PLA2G4C: variants seen among roughly 807,000 people sequenced by gnomAD.
The protein encoded by PLA2G4C is cytosolic phospholipase A2 gamma.
A neutral mutation model predicts 73.8 loss-of-function variants in PLA2G4C; 64 were observed. The ratio of observed to expected loss-of-function variants is 0.87; its 90% CI spans 0.71 to 1.07. PLA2G4C has a LOEUF of 1.07. Among genes scored for constraint, PLA2G4C ranks in the 50% least tolerant of loss-of-function variants. PLA2G4C has a pLI of 0.00. For synonymous variants in PLA2G4C, 254 were observed against 252.1 expected (o/e 1.01, Z -0.07); for missense variants, 622 against 665.4 (o/e 0.93, Z 0.72).
chr19:48,102,849 C>T (rs190297649), intron 4 of PLA2G4C, among the ~76,000 whole-genome samples: 13 of 152,252 alleles, frequency 8.5e-5, no homozygotes, highest in Admixed American at 7.2e-4. Flanking sequence ...CTCTGTGTGT[C>T]GCCCTCTCCA....
At chr19:48,083,131 A>G (rs2030715286) in intron 10 of PLA2G4C, among the ~76,000 whole-genome samples, 1 of 151,580 alleles carries the variant, frequency 6.6e-6, no homozygotes, top group South Asian at 2.1e-4. Flanking sequence ...TGCTTTTTCT[A>G]ACAATACAAG....
Position 48,104,684 on chromosome 19 carries a change from C to T in PLA2G4C, c.161G>A (p.Arg54Gln), listed in dbSNP as rs768011771. 10 of 1,613,756 alleles carry T rather than the reference C, an allele frequency of 6.2e-6. 1 individual carries two copies. The highest frequency in any genetic ancestry group is 3.3e-5 in the Admixed American group (2 of 59,968). ...GACCCCAAGGCAGGCAATGTGAGCC[C>T]GCAGTCCTCCGCCTGAGCCCAGCAC... ...VAVLGSGGGL[R>Q]AHIACLGVLS... The change falls in exon 4 of 17, where the codon CGG (arginine) becomes CAG (glutamine). Residue 54 changes from arginine to glutamine, a missense_variant. Arg to Gln is a conservative substitution (Grantham distance 43). Coordinates refer to ENST00000599921, the MANE Select transcript of PLA2G4C (RefSeq NM_003706.3).
rs2032445194 is a variant in PLA2G4C at position 48,110,523 on chromosome 19, G to A, written c.-69C>T. On this transcript the variant is annotated 5_prime_UTR_variant, in exon 1 of 17. Transcript: ENST00000599921. ...TCTGGGGCGTGTGCGCATGCGCGGT[G>A]GAGCTTGTGCTCCGGAATCCGGTGC... 1 of 1,535,196 alleles carries A rather than the reference G, an allele frequency of 6.5e-7. No homozygotes were observed.
chr19:48,077,638 T>G, intron 11 of PLA2G4C, 133 bp downstream of exon 11: 2 of 623,926 alleles, frequency 3.2e-6, no homozygotes, highest in Non-Finnish European at 5.4e-6. Context: ...CCTGGGAGAG[T>G]CCATGCTCCT....
chr19:48,095,379 G>A (rs2031513218), intron 7 of PLA2G4C, 85 bp downstream of exon 7: 2 of 1,300,730 alleles, frequency 1.5e-6, no homozygotes, highest in East Asian at 2.3e-5. Flanking sequence ...TTTAAGAGCT[G>A]GGCAAACTAG....
At chr19:48,062,516 A>G (rs1321221659) in intron 13 of PLA2G4C, among the ~76,000 whole-genome samples, 2 of 152,178 alleles carry the variant, frequency 1.3e-5, no homozygotes, top group Admixed American at 6.5e-5. Context: ...AGGCTGAGGC[A>G]GGAGGATCAC....
At chr19:48,076,581 A>G (rs1438027286) in intron 11 of PLA2G4C, among the ~76,000 whole-genome samples, 2 of 152,096 alleles carry the variant, frequency 1.3e-5, no homozygotes, top group Non-Finnish European at 2.9e-5. Context: ...CGTCTCTACT[A>G]AAAATACAAA....
Position 48,099,722 on chromosome 19 carries a change from G to A in PLA2G4C, c.396C>T (p.Tyr132=). 1 of 1,614,028 alleles carries A rather than the reference G, an allele frequency of 6.2e-7. No individual in the cohort carries two copies. Among genetic ancestry groups the A allele is most frequent in the Non-Finnish European group, 8.5e-7 (1 of 1,179,926 alleles). ...TGTAGGCCCAGAAGTCGGTCAGAGAGTAATTCTCAGACCTCGCTGCTTGGA... is the reference window on the plus strand; with the variant it reads ...TGTAGGCCCAGAAGTCGGTCAGAGAATAATTCTCAGACCTCGCTGCTTGGA... ...KTIQAARSEN[Y]SLTDFWAYMV... is the part of the protein sequence containing the mutation. Residue 132 remains tyrosine (Y), a synonymous_variant, in exon 5 of 17, where the codon TAC becomes TAT. Coordinates refer to ENST00000599921, the MANE Select transcript of PLA2G4C (RefSeq NM_003706.3).
chr19:48,089,650 G>A (rs993644321), intron 8 of PLA2G4C, among the ~76,000 whole-genome samples: 5 of 152,106 alleles, frequency 3.3e-5, no homozygotes, highest in Non-Finnish European at 4.4e-5. Flanking sequence ...ACGAGACTGC[G>A]ACTACGTACT....
chr19:48,076,728 G>A (rs1434749721), intron 11 of PLA2G4C, among the ~76,000 whole-genome samples: 2 of 149,980 alleles, frequency 1.3e-5, no homozygotes, highest in Non-Finnish European at 2.9e-5. Context: ...GGGTGACACG[G>A]CTAGACTCTG....
Position 48,105,363 on chromosome 19 carries a change from A to G in PLA2G4C, c.90T>C (p.Ala30=). 6.2e-7 allele frequency: 1 copy of G among 1,613,598 alleles called. No individual in the cohort carries two copies. The highest frequency in any genetic ancestry group is 1.1e-5 in the South Asian group (1 of 91,006). ...CAGCCTCAATCCTTAGCTTCTTCAG[A>G]GCTTTCAGCACATGAAGTCTTCGTC... ...VERRRLHVLK[A]LKKLRIEADE... Residue 30 remains alanine (A), a synonymous_variant, in exon 3 of 17, where the codon GCT becomes GCC. Transcript: ENST00000599921.
intron 13 of PLA2G4C, among the ~76,000 whole-genome samples, chr19:48,067,084 C>T (rs943203425): frequency 6.6e-6 from 1 of 151,988 alleles, no homozygotes; most frequent in Non-Finnish European, 1.5e-5. Flanking sequence ...ATTAAATGGC[C>T]TCAGTGTGAG....
intron 12 of PLA2G4C, among the ~76,000 whole-genome samples, chr19:48,069,561 G>A (rs1968580117): frequency 6.6e-6 from 1 of 152,020 alleles, no homozygotes; most frequent in South Asian, 2.1e-4. Context: ...AGTACCTTAT[G>A]CAGCATCTTT....
At chr19:48,067,407 A>T in intron 13 of PLA2G4C, among the ~76,000 whole-genome samples, 1 of 152,068 alleles carries the variant, frequency 6.6e-6, no homozygotes, top group Non-Finnish European at 1.5e-5. Context: ...ACCTCAAGTG[A>T]TCCGCCCGCC....
intron 13 of PLA2G4C, among the ~76,000 whole-genome samples, chr19:48,063,211 T>C (rs1968262031): frequency 6.6e-6 from 1 of 152,138 alleles, no homozygotes; most frequent in Non-Finnish European, 1.5e-5. Context: ...GCTGAGCTAA[T>C]TTTTGTATTT....
chr19:48,062,095 C>G lies in PLA2G4C; in HGVS notation c.1160G>C (p.Gly387Ala), dbSNP rs201127134. Residue 387 changes from glycine (G) to alanine (A), a missense_variant, in exon 14 of 17, where the codon GGT becomes GCT. Coordinates refer to ENST00000599921, the MANE Select transcript of PLA2G4C (RefSeq NM_003706.3). ...SRKHLHLVDA[G>A]LAINTPFPLV... ...TGGGAAGGGAGTGTTGATGGCTAAA[C>G]CAGCATCCACCAGGTGGAGGTGCTT... 56 of 1,611,200 alleles carry G rather than the reference C, an allele frequency of 3.5e-5. 1 individual carries two copies. The highest frequency in any genetic ancestry group is 1.7e-4 in the Admixed American group (10 of 59,730).
chr19:48,055,638 A>ACTTGT (rs112928327), intron 14 of PLA2G4C, among the ~76,000 whole-genome samples: 7 of 151,114 alleles, frequency 4.6e-5, no homozygotes, highest in Non-Finnish European at 7.4e-5. Flanking sequence ...CCGTGAAGGT[A>ACTTGT]CTTTTCTTTT....
chr19:48,097,251 C>CTTCTTTTTTTTTTT (rs1340148092), intron 6 of PLA2G4C: 1 of 86,576 alleles, frequency 1.2e-5, no homozygotes, highest in African/African-American at 4.8e-5. Flanking sequence ...TTTCTTTTTT[C>CTTCTTTTTTTTTTT]TTTTTTTTTT....
In PLA2G4C at chr19:48,060,986, T is replaced by G. The variant is rs939145560; in HGVS notation, c.1257+1012A>C. ...ATGTAATAGATATAGTTATATATTATGTAGGTGTATATATTTTTTAATAAA... is the reference window on the plus strand; with the variant it reads ...ATGTAATAGATATAGTTATATATTAGGTAGGTGTATATATTTTTTAATAAA... On this transcript the variant is annotated intron_variant, in intron 14 of 16. Transcript: ENST00000599921. Among the ~76,000 whole-genome samples, 9 of 152,154 alleles carry G rather than the reference T, an allele frequency of 5.9e-5. 1 individual carries two copies. Among genetic ancestry groups the G allele is most frequent in the African/African-American group, 2.2e-4 (9 of 41,410 alleles).
Sources: gnomAD v4.1 joint callset for allele counts (sites outside exome capture counted in the v4.1 genomes callset) on GRCh38, gnomAD v4.1.1 for gene constraint, MANE v1.5 for transcripts, NCBI Gene and HGNC (gene_info 2026-07-23, HGNC 2026-07-21) for gene names.